Variants in KIF14 observed in about 807,000 individuals in gnomAD.
KIF14 encodes the protein kinesin-like protein KIF14.
A neutral mutation model predicts 176.2 loss-of-function variants in KIF14; 98 were observed. That is an observed-to-expected ratio of 0.56 (90% CI 0.47 to 0.66). The LOEUF (loss-of-function observed/expected upper bound fraction) is 0.66, where lower values mean the gene tolerates loss of function less well. KIF14 is among the 30% of genes least tolerant of loss of function. The pLI is 0.00. For synonymous variants in KIF14, 566 were observed against 632.2 expected (o/e 0.90, Z 1.57); for missense variants, 1,751 against 1,920.4 (o/e 0.91, Z 1.65).
At chr1:200,572,880 T>C (rs1657887394) in intron 22 of KIF14, among the ~76,000 whole-genome samples, 3 of 152,206 alleles carry the variant, frequency 2.0e-5, no homozygotes, top group Admixed American at 2.0e-4. Flanking sequence ...CTAAGGACCA[T>C]ATTTAGCTCA....
chr1:200,593,630 C>A (rs188367012), intron 15 of KIF14, 37 bp downstream of exon 15: 2 of 1,271,082 alleles, frequency 1.6e-6, no homozygotes, highest in South Asian at 1.2e-5. Flanking sequence ...TATCCAAAGT[C>A]GAACAGTTTC....
At position 200,607,735 on chromosome 1, in the gene KIF14, C is replaced by T. The variant is rs573224189; in HGVS notation, c.1555-937G>A. Among the ~76,000 whole-genome samples the T allele has an allele frequency of 6.6e-4, 101 of 152,118 alleles. 1 individual carries two copies. The highest frequency in any genetic ancestry group is 2.4e-3 in the African/African-American group (99 of 41,504). On this transcript the variant is annotated intron_variant, in intron 5 of 29. Coordinates refer to ENST00000367350, the MANE Select transcript of KIF14 (RefSeq NM_014875.3). ...TTTTTTTTCTTGAAATGGAGTCTTGCTCTGTCGCCAGGCTGGAGTGCGGTG... is the reference window on the plus strand; with the variant it reads ...TTTTTTTTCTTGAAATGGAGTCTTGTTCTGTCGCCAGGCTGGAGTGCGGTG...
intron 14 of KIF14, 62 bp from the exon 15 acceptor site, chr1:200,593,831 C>A: frequency 1.1e-6 from 1 of 932,918 alleles, no homozygotes; most frequent in Non-Finnish European, 1.7e-6. Context: ...AAGAAAAAGG[C>A]AATATGGGAT....
Position 200,590,228 on chromosome 1 carries a change from T to C in KIF14, c.2858A>G (p.Glu953Gly), listed in dbSNP as rs1191807792. The C allele has an allele frequency of 1.9e-6, 3 of 1,613,862 alleles. No homozygotes were observed. The highest frequency in any genetic ancestry group is 2.5e-6 in the Non-Finnish European group (3 of 1,179,988). Reference protein sequence around the residue: ...IKEAQLKAKEEMMQGIQIAKE... With the variant: ...IKEAQLKAKEGMMQGIQIAKE... ...TGCAATCTGGATTCCTTGCATCATT[T>C]CTTCCTTTGCCTTCAACTGAGCCTC... Residue 953 changes from glutamate (E) to glycine (G), a missense_variant, in exon 17 of 30, where the codon GAA becomes GGA. By Grantham distance (98) the Glu-to-Gly change is moderately conservative. Coordinates refer to ENST00000367350, the MANE Select transcript of KIF14 (RefSeq NM_014875.3).
chr1:200,566,465 C>T (rs747851268), intron 23 of KIF14, among the ~76,000 whole-genome samples: 2 of 151,730 alleles, frequency 1.3e-5, no homozygotes, highest in Non-Finnish European at 2.9e-5. Flanking sequence ...TGGTGGCACA[C>T]GCCTGTAGTT....
At chr1:200,563,220 A>G (rs1411956205) in intron 25 of KIF14, among the ~76,000 whole-genome samples, 3 of 152,256 alleles carry the variant, frequency 2.0e-5, no homozygotes, top group Non-Finnish European at 2.9e-5. Flanking sequence ...TTCTACTGCA[A>G]TAATAGAATG....
At position 200,553,648 on chromosome 1, in the gene KIF14, C is replaced by G. The variant is rs1174021513; in HGVS notation, c.4687G>C (p.Val1563Leu). ...STSVGSYESR[V>L]THIVHQELES... is the part of the protein sequence containing the mutation. ...AGTTCCTGGTGGACAATGTGAGTTA[C>G]TCTACTCTCATAGCTGCCAACAGAA... Residue 1563 changes from valine (V) to leucine (L), a missense_variant, in exon 30 of 30, where the codon GTA (valine) becomes CTA (leucine). Coordinates refer to ENST00000367350, the MANE Select transcript of KIF14 (RefSeq NM_014875.3). 4 of 1,613,952 alleles carry G rather than the reference C, an allele frequency of 2.5e-6. No individual in the cohort carries two copies. The highest frequency in any genetic ancestry group is 3.4e-6 in the Non-Finnish European group (4 of 1,179,994).
chr1:200,603,863 A>C lies in KIF14; in HGVS notation c.1839T>G (p.Ala613=), dbSNP rs1319571841. Residue 613 remains alanine (A), a synonymous_variant, in exon 9 of 30, where the codon GCT becomes GCG. Coordinates refer to ENST00000367350, the MANE Select transcript of KIF14 (RefSeq NM_014875.3). ...DLAGSERCST[A]HTNGDRLKEG... is the part of the protein sequence containing the mutation. ...CCTTTAGTCGATCTCCATTAGTGTGAGCCGTAGAGCAGCGCTCACTGCCTG... is the reference window on the plus strand; with the variant it reads ...CCTTTAGTCGATCTCCATTAGTGTGCGCCGTAGAGCAGCGCTCACTGCCTG... 5.0e-6 allele frequency: 8 copies of C among 1,608,416 alleles called. No individual in the cohort carries two copies. The highest frequency in any genetic ancestry group is 6.8e-6 in the Non-Finnish European group (8 of 1,174,744).
At position 200,605,378 on chromosome 1, in the gene KIF14, A is replaced by C. The variant is rs1378314633; in HGVS notation, c.1651T>G (p.Leu551Val). 1.2e-6 allele frequency: 2 copies of C among 1,612,210 alleles called. No individual in the cohort carries two copies. Among genetic ancestry groups the C allele is most frequent in the South Asian group, 2.2e-5 (2 of 90,858 alleles). Residue 551 changes from leucine to valine, a missense_variant, in exon 8 of 30, where the codon TTG becomes GTG. Leu to Val is a conservative substitution (Grantham distance 32). Coordinates refer to ENST00000367350, the MANE Select transcript of KIF14 (RefSeq NM_014875.3). ...SYADIQSWLE[L>V]GNKQRATAAT... ...GCAGTAGCTCTTTGTTTATTTCCCA[A>C]TTCTAGCCAACTCTTATAAGAAAAA...
At chr1:200,573,553 C>T (rs1190545174) in intron 22 of KIF14, among the ~76,000 whole-genome samples, 1 of 151,654 alleles carries the variant, frequency 6.6e-6, no homozygotes, top group Non-Finnish European at 1.5e-5. Context: ...TCTCCTGCCT[C>T]AGCCTCCCGA....
intron 21 of KIF14, among the ~76,000 whole-genome samples, chr1:200,577,454 A>G (rs1258957949): frequency 1.3e-5 from 2 of 151,808 alleles, no homozygotes; most frequent in African/African-American, 4.8e-5. Context: ...CACCGTGCCC[A>G]GCCCTGCTAA....
At chr1:200,568,116 C>T (rs1249312379) in intron 23 of KIF14, among the ~76,000 whole-genome samples, 1 of 152,078 alleles carries the variant, frequency 6.6e-6, no homozygotes, top group Non-Finnish European at 1.5e-5. Context: ...CACTGGGGTA[C>T]AGCCCCTCAC....
intron 27 of KIF14, among the ~76,000 whole-genome samples, chr1:200,556,755 C>A (rs1359522660): frequency 3.3e-5 from 5 of 152,224 alleles, no homozygotes; most frequent in African/African-American, 9.6e-5. Context: ...TGATAGACTG[C>A]AAAAGTGGTA....
At chr1:200,600,793 T>C (rs138844413) in intron 11 of KIF14, among the ~76,000 whole-genome samples, 40 of 152,184 alleles carry the variant, frequency 2.6e-4, no homozygotes, top group African/African-American at 9.4e-4. Context: ...GGGTAATTGT[T>C]AAAGTGAAAG....
chr1:200,573,314 T>C (rs766530048), intron 22 of KIF14, among the ~76,000 whole-genome samples: 2 of 152,074 alleles, frequency 1.3e-5, no homozygotes, highest in South Asian at 4.1e-4. Context: ...TGTACATGAC[T>C]ACACTGAGCA....
At position 200,603,287 on chromosome 1, in the gene KIF14, G is replaced by C; in HGVS notation, c.1918C>G (p.Leu640Val). Reference sequence around the variant, plus strand: ...CTCCTTTGGTTTGCTTGTTCCGAAAGTGCAGATATAACTTTTCCCAAAGTT... The same window carrying C: ...CTCCTTTGGTTTGCTTGTTCCGAAACTGCAGATATAACTTTTCCCAAAGTT... ...LLTLGKVISA[L>V]SEQANQRSVF... Residue 640 changes from leucine to valine, a missense_variant, in exon 10 of 30, where the codon CTT (leucine) becomes GTT (valine). Coordinates refer to ENST00000367350, the MANE Select transcript of KIF14 (RefSeq NM_014875.3). 6.2e-7 allele frequency: 1 copy of C among 1,609,996 alleles called. No individual in the cohort carries two copies. Among genetic ancestry groups the C allele is most frequent in the Non-Finnish European group, 8.5e-7 (1 of 1,177,244 alleles).
Position 200,586,028 on chromosome 1 carries a change from A to G in KIF14, c.3241+73T>C. The G allele has an allele frequency of 2.8e-6, 3 of 1,088,734 alleles. No homozygotes were observed. The African/African-American group carries it at 5.0e-5, about 18-fold the overall frequency. The allele number at this position is 1,088,734 out of a possible 1,614,324, so 67.4% of individuals were successfully genotyped here. A position where few individuals can be genotyped will look rare whatever the true frequency, so the allele number is the denominator to read the frequency against. ...GAATATGTAAAGGCAACTAATGCTAATATTTTAGTAATTATATTACATATA... is the reference window on the plus strand; with the variant it reads ...GAATATGTAAAGGCAACTAATGCTAGTATTTTAGTAATTATATTACATATA... On this transcript the variant is annotated intron_variant, in intron 19 of 29. Transcript: ENST00000367350.
chr1:200,590,040 A>T (rs1658972177), intron 17 of KIF14, 85 bp downstream of exon 17: 5 of 1,343,054 alleles, frequency 3.7e-6, no homozygotes, highest in Admixed American at 2.2e-5. Flanking sequence ...CAGTTCCCTT[A>T]TAGGGACATA....
chr1:200,619,582 A>T (rs966900892), intron 1 of KIF14, among the ~76,000 whole-genome samples: 1 of 152,074 alleles, frequency 6.6e-6, no homozygotes, highest in Non-Finnish European at 1.5e-5. Context: ...CGATATCTTG[A>T]CCTTGTGATC....
Sources: allele counts gnomAD v4.1 joint callset (sites outside exome capture counted in the v4.1 genomes callset), GRCh38; gene constraint gnomAD v4.1.1; transcripts MANE v1.5; gene names NCBI Gene and HGNC (gene_info 2026-07-23, HGNC 2026-07-21).